Variants in PCDHA6 observed in about 807,000 individuals in gnomAD.
PCDHA6 encodes the protein protocadherin alpha 6, also known as protocadherin alpha-6.
A neutral mutation model predicts 60.3 loss-of-function variants in PCDHA6; 55 were observed. That is an observed-to-expected ratio of 0.91 (90% CI 0.73 to 1.14). PCDHA6 has a LOEUF of 1.14. Among genes scored for constraint, PCDHA6 ranks in the 50% most tolerant of loss-of-function variants. The pLI is 0.00. For synonymous variants in PCDHA6, 652 were observed against 557.9 expected (o/e 1.17, Z -2.38); for missense variants, 1,327 against 1,256.5 (o/e 1.06, Z -0.85).
chr5:140,956,497 A>G (rs2095288493), intron 1 of PCDHA6, among the ~76,000 whole-genome samples: 2 of 152,190 alleles, frequency 1.3e-5, no homozygotes, highest in Admixed American at 1.3e-4. Flanking sequence ...CCAGGGATGA[A>G]GCCTACTTGA....
At chr5:140,836,196 G>A (rs1480850746) in intron 1 of PCDHA6, 3 of 1,613,832 alleles carry the variant, frequency 1.9e-6, no homozygotes, top group Admixed American at 1.7e-5. Flanking sequence ...AGGCTACAAC[G>A]CGTGGCTTTC....
chr5:140,955,030 A>T (rs1453200706), intron 1 of PCDHA6, among the ~76,000 whole-genome samples: 2 of 152,312 alleles, frequency 1.3e-5, no homozygotes, highest in African/African-American at 4.8e-5. Context: ...TTAAATAGGG[A>T]ATCTTTTCCT....
At chr5:140,902,677 G>A (rs1457054226) in intron 1 of PCDHA6, among the ~76,000 whole-genome samples, 6 of 151,960 alleles carry the variant, frequency 3.9e-5, no homozygotes, top group Non-Finnish European at 5.9e-5. Flanking sequence ...AGTGTACACC[G>A]TACCTAATAT....
chr5:140,927,670 C>A lies in PCDHA6; in HGVS notation c.2395-51279C>A, dbSNP rs1006141153. ...GTTATTCCGAGTTCAAGCCTTGGATCCAGATGAAGGGTCCAATGGGGAAGT... is the reference window on the plus strand; with the variant it reads ...GTTATTCCGAGTTCAAGCCTTGGATACAGATGAAGGGTCCAATGGGGAAGT... On this transcript the variant is annotated intron_variant, in intron 1 of 3. Transcript: ENST00000529310. 2.5e-6 allele frequency: 4 copies of A among 1,614,166 alleles called. No homozygotes were observed. The highest frequency in any genetic ancestry group is 3.4e-6 in the Non-Finnish European group (4 of 1,180,028).
intron 1 of PCDHA6, chr5:140,926,987 G>T: frequency 6.2e-7 from 1 of 1,610,996 alleles, no homozygotes; most frequent in African/African-American, 1.3e-5. Context: ...GAGACGGAGC[G>T]GGGCGTAGCC....
chr5:140,999,934 T>C (rs1236304987), intron 3 of PCDHA6, among the ~76,000 whole-genome samples: 1 of 152,068 alleles, frequency 6.6e-6, no homozygotes, highest in Non-Finnish European at 1.5e-5. Context: ...GCTCAACTCA[T>C]TCCACCCAAA....
At chr5:140,981,665 CCTTT>C (rs1170982670) in intron 2 of PCDHA6, among the ~76,000 whole-genome samples, 2 of 152,092 alleles carry the variant, frequency 1.3e-5, no homozygotes, top group Non-Finnish European at 2.9e-5. Flanking sequence ...TTTCTTCCTT[CCTTT>C]CTTCCTTCCT....
intron 1 of PCDHA6, chr5:140,858,383 A>T: frequency 6.3e-7 from 1 of 1,584,980 alleles, no homozygotes; most frequent in African/African-American, 1.3e-5. Flanking sequence ...ACCATGCCCA[A>T]TGGTAGATGT....
chr5:140,836,027 C>T (rs2150251000), intron 1 of PCDHA6: 4 of 1,613,456 alleles, frequency 2.5e-6, no homozygotes, highest in East Asian at 4.5e-5. Flanking sequence ...TGGGCAGCAA[C>T]GTGACGCTGC....
At chr5:140,833,830 T>C (rs186184470) in intron 1 of PCDHA6, among the ~76,000 whole-genome samples, 1 of 152,148 alleles carries the variant, frequency 6.6e-6, no homozygotes, top group East Asian at 1.9e-4. Context: ...CCTAAAAGAG[T>C]ACAGGATTTT....
intron 1 of PCDHA6, chr5:140,869,328 G>C: frequency 1.2e-6 from 2 of 1,613,960 alleles, no homozygotes; most frequent in Non-Finnish European, 1.7e-6. Flanking sequence ...GGGACCTTCT[G>C]GAGGTAAATC....
At chr5:140,914,481 G>A (rs549926889) in intron 1 of PCDHA6, among the ~76,000 whole-genome samples, 3 of 152,120 alleles carry the variant, frequency 2.0e-5, no homozygotes, top group Non-Finnish European at 4.4e-5. Context: ...TAGGTGAAGT[G>A]TTTCTTGTGG....
chr5:140,922,164 A>G lies in PCDHA6; in HGVS notation c.2395-56785A>G, dbSNP rs1382732959. Among the ~76,000 whole-genome samples the G allele has an allele frequency of 2.1e-5, 3 of 145,926 alleles. No individual in the cohort carries two copies. The East Asian group carries it at 6.4e-4, about 31-fold the overall frequency. Reference sequence around the variant, plus strand: ...CATGAAACTCATCAAAAACAACAAAAAGTACAGCAGACAAAAAAAAAGTCT... The same window carrying G: ...CATGAAACTCATCAAAAACAACAAAGAGTACAGCAGACAAAAAAAAAGTCT... On this transcript the variant is annotated intron_variant, in intron 1 of 3. Transcript: ENST00000529310.
At chr5:140,991,563 C>T (rs577838155) in intron 3 of PCDHA6, among the ~76,000 whole-genome samples, 4 of 152,288 alleles carry the variant, frequency 2.6e-5, no homozygotes, top group South Asian at 4.1e-4. Context: ...CCTTTAGTTT[C>T]CAATAACAGG....
intron 1 of PCDHA6, among the ~76,000 whole-genome samples, chr5:140,960,819 G>A (rs1287793882): frequency 1.3e-5 from 2 of 152,146 alleles, no homozygotes; most frequent in Admixed American, 6.5e-5. Context: ...CCCAAGTGAT[G>A]AATGGAAACT....
intron 1 of PCDHA6, among the ~76,000 whole-genome samples, chr5:140,945,249 T>C (rs1181677082): frequency 6.6e-6 from 1 of 152,050 alleles, no homozygotes; most frequent in African/African-American, 2.4e-5. Flanking sequence ...ACCAAGAGGA[T>C]GAAAGACCTG....
At chr5:140,883,128 C>G (rs782352091) in intron 1 of PCDHA6, 1 of 1,614,060 alleles carries the variant, frequency 6.2e-7, no homozygotes, top group Non-Finnish European at 8.5e-7. Flanking sequence ...CCTGTATGGC[C>G]TGCAGTGGTA....
At chr5:140,846,342 C>CTTTCTCT (rs1780336698) in intron 1 of PCDHA6, among the ~76,000 whole-genome samples, 1 of 138,926 alleles carries the variant, frequency 7.2e-6, no homozygotes, top group Non-Finnish European at 1.6e-5. Flanking sequence ...TTTTAAAGTG[C>CTTTCTCT]TTTCTCTTTT....
intron 1 of PCDHA6, chr5:140,877,538 C>T: frequency 1.2e-6 from 2 of 1,613,776 alleles, no homozygotes; most frequent in Non-Finnish European, 1.7e-6. Context: ...GCTGTGGATC[C>T]CGAAGCGGCT....
Sources: gnomAD v4.1 joint callset for allele counts (sites outside exome capture counted in the v4.1 genomes callset) on GRCh38, gnomAD v4.1.1 for gene constraint, MANE v1.5 for transcripts, NCBI Gene and HGNC (gene_info 2026-07-23, HGNC 2026-07-21) for gene names.